Variants in KRAS observed in about 807,000 individuals in gnomAD.
KRAS encodes KRas proto-oncogene, GTPase, also known as GTPase KRas.
KRAS carries 1 observed loss-of-function variant against 21.0 expected under a neutral mutation model. The observed-to-expected ratio is 0.05, with a 90% CI of 0.02 to 0.23. The LOEUF is 0.23. Ranked by LOEUF, KRAS falls within the 10% of genes least tolerant of loss-of-function variation. KRAS has a pLI of 1.00. For missense variants in KRAS, 107 were observed against 221.8 expected (o/e 0.48, Z 3.29); for synonymous variants, 67 against 72.5 (o/e 0.92, Z 0.39).
At chr12:25,233,609 G>GT (rs1951505303) in intron 2 of KRAS, among the ~76,000 whole-genome samples, 1 of 152,086 alleles carries the variant, frequency 6.6e-6, no homozygotes, top group Non-Finnish European at 1.5e-5. Context: ...TCCTTCTCTG[G>GT]TACCTCCTAT....
intron 2 of KRAS, among the ~76,000 whole-genome samples, chr12:25,229,450 C>T (rs759829348): frequency 2.6e-5 from 4 of 152,152 alleles, no homozygotes; most frequent in Non-Finnish European, 4.4e-5. Context: ...GTTTCATCTG[C>T]AAATCCTGAG....
At chr12:25,229,504 T>G (rs1011708141) in intron 2 of KRAS, among the ~76,000 whole-genome samples, 1 of 152,214 alleles carries the variant, frequency 6.6e-6, no homozygotes, top group African/African-American at 2.4e-5. Context: ...ACTGCAACTA[T>G]AAGATTAAGT....
At chr12:25,231,615 AT>A (rs1951472522) in intron 2 of KRAS, among the ~76,000 whole-genome samples, 1 of 152,134 alleles carries the variant, frequency 6.6e-6, no homozygotes, top group African/African-American at 2.4e-5. Context: ...TCTCATTCCT[AT>A]TATCTTTTCC....
intron 1 of KRAS, among the ~76,000 whole-genome samples, chr12:25,247,369 T>C (rs552075013): frequency 6.6e-6 from 1 of 152,278 alleles, no homozygotes; most frequent in Admixed American, 6.5e-5. Flanking sequence ...CTAGAAAAAT[T>C]GTATCACACA....
intron 2 of KRAS, among the ~76,000 whole-genome samples, chr12:25,232,194 C>G (rs1951482451): frequency 6.6e-6 from 1 of 152,126 alleles, no homozygotes; most frequent in South Asian, 2.1e-4. Flanking sequence ...TAGACTCTTT[C>G]AAAAAATTTA....
chr12:25,222,585 T>C (rs549674066), intron 4 of KRAS, among the ~76,000 whole-genome samples: 1 of 152,302 alleles, frequency 6.6e-6, no homozygotes, highest in South Asian at 2.1e-4. Flanking sequence ...TATTCTTTCA[T>C]ACTGTATCCC....
rs1951151246 is a variant in KRAS at position 25,207,495 on chromosome 12, C to T, written c.*2300G>A. 1 of 189,224 alleles carries T rather than the reference C, an allele frequency of 5.3e-6. No individual in the cohort carries two copies. The highest frequency in any genetic ancestry group is 1.1e-5 in the Non-Finnish European group (1 of 95,052). The allele number at this position is 189,224 out of a possible 1,614,324, so 11.7% of individuals were successfully genotyped here. ...CGCCACTGCATTCCAGCCTGGGTGA[C>T]AAGAGCGAGACTCTGACACCAAAAA... On this transcript the variant is annotated 3_prime_UTR_variant, in exon 5 of 5. Transcript: ENST00000311936.
chr12:25,242,366 TTTCCTC>T (rs143603621), intron 2 of KRAS, among the ~76,000 whole-genome samples: 2,349 of 152,262 alleles, frequency 0.015, 43 homozygotes, highest in Middle Eastern at 0.068. Context: ...AAACGAGACT[TTTCCTC>T]TTCCACCAAA....
rs1426081326 is a variant in KRAS, at chr12:25,227,383, A to G, written c.141T>C (p.Asp47=). The G allele has an allele frequency of 1.7e-5, 27 of 1,614,092 alleles. No homozygotes were observed. The highest frequency in any genetic ancestry group is 2.3e-5 in the Non-Finnish European group (27 of 1,179,970). Residue 47 remains aspartate, a synonymous_variant, in exon 3 of 5, where the codon GAT becomes GAC. Coordinates refer to ENST00000311936, the MANE Select transcript of KRAS (RefSeq NM_004985.5). ...EDSYRKQVVI[D]GETCLLDILD... ...GAATATCCAAGAGACAGGTTTCTCC[A>G]TCAATTACTACTTGCTTCCTGTAGG... is the stretch of plus-strand genomic sequence containing the variant.
chr12:25,242,972 C>T (rs1183158537), intron 2 of KRAS, among the ~76,000 whole-genome samples: 1 of 152,064 alleles, frequency 6.6e-6, no homozygotes, highest in East Asian at 1.9e-4. Context: ...CCAAAAAATA[C>T]AGTATTACTT....
At chr12:25,231,012 C>G (rs1028283917) in intron 2 of KRAS, among the ~76,000 whole-genome samples, 9 of 151,088 alleles carry the variant, frequency 6.0e-5, no homozygotes, top group African/African-American at 2.2e-4. Context: ...GTCTTAGAGT[C>G]AACCCATTAC....
At chr12:25,225,019 A>G (rs1951372761) in intron 4 of KRAS, 2 of 152,058 alleles carry the variant, frequency 1.3e-5, no homozygotes, top group South Asian at 4.1e-4. Flanking sequence ...CATTTTTAAA[A>G]CAAAGATGAT....
chr12:25,218,962 T>C (rs1284317444), intron 4 of KRAS, among the ~76,000 whole-genome samples: 4 of 148,942 alleles, frequency 2.7e-5, no homozygotes, highest in Non-Finnish European at 4.4e-5. Context: ...TTTTTTGAGA[T>C]GGAGTCTCGC....
chr12:25,232,121 T>C (rs368955608), intron 2 of KRAS, among the ~76,000 whole-genome samples: 1 of 152,102 alleles, frequency 6.6e-6, no homozygotes, highest in African/African-American at 2.4e-5. Context: ...CCATGGTCAC[T>C]CAAACGCATG....
chr12:25,249,649 G>A (rs1474973243), intron 1 of KRAS, among the ~76,000 whole-genome samples: 1 of 147,526 alleles, frequency 6.8e-6, no homozygotes, highest in Non-Finnish European at 1.5e-5. Context: ...CGGTTAGCTG[G>A]TGGATTGCTA....
chr12:25,230,242 T>C (rs1790913481), intron 2 of KRAS, among the ~76,000 whole-genome samples: 1 of 152,252 alleles, frequency 6.6e-6, no homozygotes, highest in Admixed American at 6.5e-5. Context: ...TATGTGTTTA[T>C]GTATTTATAC....
chr12:25,226,091 G>A (rs1201937330), intron 3 of KRAS, among the ~76,000 whole-genome samples: 2 of 152,090 alleles, frequency 1.3e-5, no homozygotes, highest in Non-Finnish European at 2.9e-5. Context: ...CTATATAACA[G>A]ACTATAATTT....
At chr12:25,232,172 T>A (rs138936542) in intron 2 of KRAS, among the ~76,000 whole-genome samples, 10 of 152,032 alleles carry the variant, frequency 6.6e-5, no homozygotes, top group African/African-American at 1.9e-4. Context: ...GAAAAAAAAA[T>A]ATGCATCAAT....
intron 4 of KRAS, among the ~76,000 whole-genome samples, chr12:25,213,887 C>T (rs776422850): frequency 8.5e-5 from 13 of 152,086 alleles, no homozygotes; most frequent in Non-Finnish European, 1.9e-4. Flanking sequence ...GAGAATTCCA[C>T]GCAATAAATA....
Sources: allele counts gnomAD v4.1 joint callset (sites outside exome capture counted in the v4.1 genomes callset), GRCh38; gene constraint gnomAD v4.1.1; transcripts MANE v1.5; gene names NCBI Gene and HGNC (gene_info 2026-07-23, HGNC 2026-07-21).